CSMD2: variants seen among roughly 807,000 people sequenced by gnomAD.
CSMD2 encodes CUB and Sushi multiple domains 2.
Under a neutral mutation model 398.5 loss-of-function variants are expected in CSMD2, and 130 were observed. The ratio of observed to expected loss-of-function variants is 0.33; its 90% confidence interval spans 0.28 to 0.38. CSMD2 has a LOEUF of 0.38. Among genes scored for constraint, CSMD2 ranks in the 10% least tolerant of loss-of-function variants. The probability of loss-of-function intolerance (pLI) is 1.00; values close to 1 mark genes in which losing one functional copy is unlikely to be tolerated. For synonymous variants in CSMD2, 1,828 were observed against 1,908.5 expected (o/e 0.96, Z 1.10); for missense variants, 3,829 against 4,764.9 (o/e 0.80, Z 5.78).
At chr1:33,714,156 C>T (rs765801240) in intron 21 of CSMD2, among the ~76,000 whole-genome samples, 1 of 152,184 alleles carries the variant, frequency 6.6e-6, no homozygotes, top group Non-Finnish European at 1.5e-5. Context: ...TAAAAGCACC[C>T]ATCTACTCCT....
chr1:33,596,896 A>ATTTAGCT (rs965941175), intron 44 of CSMD2, among the ~76,000 whole-genome samples: 1 of 152,146 alleles, frequency 6.6e-6, no homozygotes, highest in African/African-American at 2.4e-5. Context: ...AAGGGAAGAG[A>ATTTAGCT]TTTAGCTTTC....
At chr1:33,699,189 G>A (rs1318436362) in intron 23 of CSMD2, among the ~76,000 whole-genome samples, 1 of 152,200 alleles carries the variant, frequency 6.6e-6, no homozygotes, top group Admixed American at 6.5e-5. Context: ...CCTAAGGTCT[G>A]CATTTTCTAT....
intron 44 of CSMD2, chr1:33,598,988 G>A (rs1403624141): frequency 6.6e-6 from 1 of 152,182 alleles, no homozygotes; most frequent in East Asian, 1.9e-4. Flanking sequence ...GTGATTCTGT[G>A]GGTCTCTTTT....
rs1237315388 is a variant in CSMD2, at chr1:33,743,437, C to G, written c.2016G>C (p.Leu672=). Reference sequence around the variant, plus strand: ...CGGCGGTGGCCCCATCCTTGATGACCAGGAAATCAAACTGAGGCTCCACGT... The same window carrying G: ...CGGCGGTGGCCCCATCCTTGATGACGAGGAAATCAAACTGAGGCTCCACGT... ...DIDVEPQFDF[L]VIKDGATAEA... is the part of the protein sequence containing the mutation. Residue 672 remains leucine, a synonymous_variant, in exon 14 of 71, where the codon CTG becomes CTC. Transcript: ENST00000373381. 6.2e-7 allele frequency: 1 copy of G among 1,614,184 alleles called. No homozygotes were observed. The highest frequency in any genetic ancestry group is 8.5e-7 in the Non-Finnish European group (1 of 1,180,042).
At chr1:33,683,759 T>G (rs1010135023) in intron 25 of CSMD2, among the ~76,000 whole-genome samples, 2 of 152,214 alleles carry the variant, frequency 1.3e-5, no homozygotes, top group South Asian at 2.1e-4. Flanking sequence ...CCACATCCTC[T>G]CCTTCAAAAA....
intron 2 of CSMD2, among the ~76,000 whole-genome samples, chr1:34,049,181 C>T (rs900293680): frequency 1.9e-4 from 29 of 152,096 alleles, no homozygotes; most frequent in Non-Finnish European, 2.9e-4. Context: ...TCCAAACCAT[C>T]GATATTTGCA....
intron 3 of CSMD2, among the ~76,000 whole-genome samples, chr1:33,999,326 C>T (rs1439772867): frequency 1.3e-5 from 2 of 152,104 alleles, no homozygotes; most frequent in South Asian, 2.1e-4. Flanking sequence ...AGCTTTGAAA[C>T]GGATGTCTCA....
chr1:33,683,387 A>G (rs1644967836), intron 25 of CSMD2, among the ~76,000 whole-genome samples: 1 of 152,194 alleles, frequency 6.6e-6, no homozygotes, highest in African/African-American at 2.4e-5. Flanking sequence ...AATGAGTGGT[A>G]TGTTTTAAGT....
At chr1:33,570,958 T>C (rs1215172296) in intron 51 of CSMD2, among the ~76,000 whole-genome samples, 1 of 152,220 alleles carries the variant, frequency 6.6e-6, no homozygotes, top group African/African-American at 2.4e-5. Context: ...GGTGGTGTTC[T>C]CAAGAGCACC....
chr1:33,608,753 C>T (rs1313798987), intron 41 of CSMD2, among the ~76,000 whole-genome samples: 3 of 152,076 alleles, frequency 2.0e-5, no homozygotes, highest in African/African-American at 7.2e-5. Context: ...AGGGGAGGGG[C>T]CCGGACAGAG....
intron 6 of CSMD2, among the ~76,000 whole-genome samples, chr1:33,844,287 T>TG (rs397719711): frequency 0.45 from 68,656 of 151,620 alleles, 16,000 homozygotes; most frequent in East Asian, 0.59. Flanking sequence ...TGTGTGTGTG[T>TG]GGGGGGGCGC....
chr1:33,703,534 A>G (rs1645679218), intron 22 of CSMD2, among the ~76,000 whole-genome samples: 1 of 152,206 alleles, frequency 6.6e-6, no homozygotes, highest in African/African-American at 2.4e-5. Context: ...CACATCCATT[A>G]CATCCAATAA....
chr1:33,780,639 TA>T (rs1652621838), intron 12 of CSMD2, among the ~76,000 whole-genome samples: 1 of 152,214 alleles, frequency 6.6e-6, no homozygotes, highest in Non-Finnish European at 1.5e-5. Flanking sequence ...ACTGACAAAT[TA>T]CTTTCTACCA....
At chr1:33,862,343 C>CCGTGTG (rs1639585368) in intron 5 of CSMD2, 1 of 114,006 alleles carries the variant, frequency 8.8e-6, no homozygotes, top group Non-Finnish European at 1.8e-5. Context: ...ATAAGCTACT[C>CCGTGTG]TGTGTGTGTG....
intron 2 of CSMD2, among the ~76,000 whole-genome samples, chr1:34,071,734 C>T (rs191166385): frequency 6.6e-6 from 1 of 152,352 alleles, no homozygotes. Flanking sequence ...GGGCAATTAG[C>T]CTTCTCTGCC....
intron 5 of CSMD2, among the ~76,000 whole-genome samples, chr1:33,916,369 A>AGTAAACAGGTATTTTACTG (rs1643722324): frequency 1.3e-5 from 2 of 152,206 alleles, no homozygotes; most frequent in African/African-American, 2.4e-5. Flanking sequence ...CATTACACTT[A>AGTAAACAGGTATTTTACTG]CAGTCAGTAA....
At chr1:33,724,434 A>C in intron 18 of CSMD2, 82 bp downstream of exon 18, 1 of 1,542,062 alleles carries the variant, frequency 6.5e-7, no homozygotes, top group Non-Finnish European at 8.9e-7. Context: ...GGGGTGAGGG[A>C]GTCAGTGGTC....
intron 24 of CSMD2, among the ~76,000 whole-genome samples, chr1:33,693,358 T>C (rs1459068984): frequency 3.3e-5 from 5 of 152,224 alleles, no homozygotes; most frequent in African/African-American, 4.8e-5. Context: ...ATGTTTAACA[T>C]TGTTAGTCAT....
intron 22 of CSMD2, among the ~76,000 whole-genome samples, chr1:33,707,665 A>C (rs1052261592): frequency 6.6e-6 from 1 of 150,792 alleles, no homozygotes; most frequent in African/African-American, 2.4e-5. Flanking sequence ...AATGCATTTC[A>C]AACACGCACG....
Sources: gnomAD v4.1 joint callset for allele counts (sites outside exome capture counted in the v4.1 genomes callset) on GRCh38, gnomAD v4.1.1 for gene constraint, MANE v1.5 for transcripts, NCBI Gene and HGNC (gene_info 2026-07-23, HGNC 2026-07-21) for gene names.